FAM181A: variants seen among roughly 807,000 people sequenced by gnomAD.
FAM181A encodes the protein family with sequence similarity 181 member A, also known as protein FAM181A.
FAM181A carries 7 observed loss-of-function variants against 16.3 expected under a neutral mutation model. That is an observed-to-expected ratio of 0.43 (90% CI 0.24 to 0.81). The LOEUF (loss-of-function observed/expected upper bound fraction) is 0.81, where lower values mean the gene tolerates loss of function less well. Ranked by LOEUF, FAM181A falls within the 30% of genes least tolerant of loss-of-function variation. The pLI, the probability that FAM181A is intolerant of heterozygous loss-of-function variation, is 0.24. For synonymous variants in FAM181A, 183 were observed against 164.9 expected, an observed-to-expected ratio of 1.11 and a Z score of -0.84; for missense variants, 349 against 377.5, an observed-to-expected ratio of 0.92 and a Z score of 0.63.
At position 93,927,400 on chromosome 14, in the gene FAM181A, G is replaced by A; in HGVS notation, c.-142G>A. On this transcript the variant is annotated 5_prime_UTR_variant, in exon 1 of 2. Transcript: ENST00000556222. ...CCGGCTGCGCCGGGGCCTGTCCCAG[G>A]TCTGCAGTGGGGAACCTGCCGGGCC... The A allele has an allele frequency of 8.6e-7, 1 of 1,162,050 alleles. No homozygotes were observed. The highest frequency in any genetic ancestry group is 1.1e-6 in the Non-Finnish European group (1 of 926,514). 72.0% of individuals were successfully genotyped at this position (1,162,050 alleles called of 1,614,324 possible). A position where few individuals can be genotyped will look rare whatever the true frequency, so the allele number is the denominator to read the frequency against.
chr14:93,921,362 G>T (rs936101079), intron 1 of FAM181A, among the ~76,000 whole-genome samples: 1 of 152,294 alleles, frequency 6.6e-6, no homozygotes, highest in African/African-American at 2.4e-5. Context: ...GGCTGAGCCG[G>T]CCTGTGACTA....
rs115104454 is a variant in FAM181A, at chr14:93,919,189, G to A, written c.-225+195G>A. Among the ~76,000 whole-genome samples, 680 of 152,294 alleles carry A rather than the reference G, an allele frequency of 4.5e-3. 8 individuals carry two copies. The highest frequency in any genetic ancestry group is 0.016 in the African/African-American group (660 of 41,564). ...GAGGCAAAGGCAAGGGAAGGGCACC[G>A]ACTATGAACCAGGAGATTGATGTGT... is the stretch of plus-strand genomic sequence containing the variant. On this transcript the variant is annotated intron_variant, in intron 1 of 2. Coordinates refer to the FAM181A transcript ENST00000267594.
At chr14:93,926,919 T>G (rs1887926119), upstream of FAM181A, 1 of 152,588 alleles carries the variant, frequency 6.6e-6, no homozygotes, top group African/African-American at 2.4e-5. This position sits in a 1 kb window ranked among gnomAD's most constrained non-coding sequence, Gnocchi z 5.2. Flanking sequence ...GCTTACCCCG[T>G]CCGATTGTCT....
At chr14:93,920,724 T>TCATATCC (rs1887693767) in intron 1 of FAM181A, among the ~76,000 whole-genome samples, 2 of 152,150 alleles carry the variant, frequency 1.3e-5, no homozygotes, top group Admixed American at 1.3e-4. Flanking sequence ...CACAGCTACA[T>TCATATCC]CATATCCCAT....
Position 93,928,596 on chromosome 14 carries a change from A to C in FAM181A, c.311A>C (p.Tyr104Ser), listed in dbSNP as rs370096246. The change falls in exon 2 of 2, where the codon TAC (tyrosine) becomes TCC (serine). Residue 104 changes from tyrosine to serine, a missense_variant. Tyr to Ser is a moderately radical substitution (Grantham distance 144, BLOSUM62 -2). Coordinates refer to ENST00000556222, the MANE Select transcript of FAM181A (RefSeq NM_001207073.2). The part of the protein sequence containing the change: ...GCKEKVLRNP[Y>S]REECLAKEQL... ...AAGGAGAAGGTGCTGAGGAACCCCT[A>C]CAGGGAGGAATGTCTTGCTAAGGAG... The C allele has an allele frequency of 5.0e-6, 8 of 1,613,768 alleles. No homozygotes were observed. The African/African-American group carries it at 8.0e-5, about 16-fold the overall frequency.
Position 93,928,578 on chromosome 14 carries a change from A to G in FAM181A, c.293A>G (p.Lys98Arg). Residue 98 changes from lysine (K) to arginine (R), a missense_variant, in exon 2 of 2, where the codon AAG becomes AGG. By Grantham distance (26) the Lys-to-Arg change is conservative. Transcript: ENST00000556222. Reference sequence around the variant, plus strand: ...GGCGGGGGTGGGGGCTGCAAGGAGAAGGTGCTGAGGAACCCCTACAGGGAG... The same window carrying G: ...GGCGGGGGTGGGGGCTGCAAGGAGAGGGTGCTGAGGAACCCCTACAGGGAG... ...SPGGGGGCKEKVLRNPYREEC... is the reference protein window; with the variant it reads ...SPGGGGGCKERVLRNPYREEC... 6.2e-7 allele frequency: 1 copy of G among 1,613,776 alleles called. No homozygotes were observed. Among genetic ancestry groups the G allele is most frequent in the African/African-American group, 1.3e-5 (1 of 75,040 alleles).
upstream of FAM181A, chr14:93,927,147 T>C: frequency 2.4e-6 from 1 of 414,540 alleles, no homozygotes; most frequent in East Asian, 1.6e-4. Context: ...GGGTAGAAAT[T>C]TACCGGGAAA....
chr14:93,926,109 G>A (rs1048542118), upstream of FAM181A, among the ~76,000 whole-genome samples: 11 of 152,154 alleles, frequency 7.2e-5, no homozygotes, highest in African/African-American at 2.7e-4. This position sits in a 1 kb window ranked among gnomAD's most constrained non-coding sequence, Gnocchi z 5.2. Flanking sequence ...AGGAGGAGAA[G>A]GCAGTAGAAG....
In FAM181A at chr14:93,929,212, G is replaced by A. The variant is rs775754169; in HGVS notation, c.*48G>A. 8.0e-6 allele frequency: 12 copies of A among 1,499,346 alleles called. No individual in the cohort carries two copies. The South Asian group carries it at 1.2e-4, about 15-fold the overall frequency. The allele number at this position is 1,499,346 out of a possible 1,614,324, so 92.9% of individuals were successfully genotyped here. A position where few individuals can be genotyped will look rare whatever the true frequency, so the allele number is the denominator to read the frequency against. On this transcript the variant is annotated 3_prime_UTR_variant, in exon 2 of 2. Coordinates refer to ENST00000556222, the MANE Select transcript of FAM181A (RefSeq NM_001207073.2). The stretch of plus-strand genomic sequence containing the variant: ...CCCACCTCTGGCCTGCAGGAGTGTC[G>A]AGGTCCCCGAGGCGCTCTCCTGTGA...
chr14:93,920,062 A>C (rs1887667237), intron 1 of FAM181A, among the ~76,000 whole-genome samples: 1 of 152,198 alleles, frequency 6.6e-6, no homozygotes, highest in South Asian at 2.1e-4. Flanking sequence ...AGATCAATCA[A>C]ATTAACAAGC....
chr14:93,918,943 T>C (rs1887625558), exon 1 of FAM181A: 1 of 152,226 alleles, frequency 6.6e-6, no homozygotes. Context: ...TCATTCCTGG[T>C]TGGTGCCTGG....
chr14:93,924,122 T>G (rs765542045), upstream of FAM181A: 1 of 152,198 alleles, frequency 6.6e-6, no homozygotes, highest in East Asian at 1.9e-4. Context: ...CTTAAAACAT[T>G]TAGTAAGAAG....
chr14:93,929,454 C>T lies in FAM181A; in HGVS notation c.*290C>T. Reference sequence around the variant, plus strand: ...CATAGGTACTGGGATGTTGCCCTTCCTTGCCTTGCAGTCACCCCAGAAGCC... The same window carrying T: ...CATAGGTACTGGGATGTTGCCCTTCTTTGCCTTGCAGTCACCCCAGAAGCC... On this transcript the variant is annotated 3_prime_UTR_variant, in exon 2 of 2. Coordinates refer to ENST00000556222, the MANE Select transcript of FAM181A (RefSeq NM_001207073.2). The T allele has an allele frequency of 2.6e-6, 1 of 390,408 alleles. No individual in the cohort carries two copies. The highest frequency in any genetic ancestry group is 4.1e-5 in the Admixed American group (1 of 24,688). 24.2% of individuals were successfully genotyped at this position (390,408 alleles called of 1,614,324 possible).
chr14:93,925,737 G>A (rs1048304735), upstream of FAM181A, among the ~76,000 whole-genome samples: 3 of 151,716 alleles, frequency 2.0e-5, no homozygotes, highest in Non-Finnish European at 2.9e-5. Context: ...ACACTTCCCC[G>A]ACCCCGCAGC....
At chr14:93,923,181 G>C (rs750120939), upstream of FAM181A, among the ~76,000 whole-genome samples, 52 of 152,288 alleles carry the variant, frequency 3.4e-4, no homozygotes, top group Non-Finnish European at 4.4e-4. Context: ...CACCATGTTG[G>C]CCAGGCTGGT....
Position 93,928,283 on chromosome 14 carries a change from G to C in FAM181A, c.-3G>C, listed in dbSNP as rs147412568. ...GAAAGCCTCGTGCAGTGGCCCCCTG[G>C]TGATGGCATCCGACAGTGATGTGAA... On this transcript the variant is annotated 5_prime_UTR_variant, in exon 2 of 2. Coordinates refer to ENST00000556222, the MANE Select transcript of FAM181A (RefSeq NM_001207073.2). The C allele has an allele frequency of 1.2e-4, 199 of 1,613,842 alleles. 1 individual carries two copies. The highest frequency in any genetic ancestry group is 1.7e-4 in the African/African-American group (13 of 75,058).
chr14:93,927,636 G>A (rs1239301238), intron 1 of FAM181A, 182 bp downstream of exon 1: 4 of 1,284,344 alleles, frequency 3.1e-6, no homozygotes, highest in South Asian at 1.2e-5. Context: ...GGCAGGTCTC[G>A]ATTAAGTGCC....
chr14:93,927,682 G>A (rs563027014), intron 1 of FAM181A: 50 of 1,256,730 alleles, frequency 4.0e-5, no homozygotes, highest in Non-Finnish European at 5.1e-5. Context: ...GTGAGAGCTG[G>A]GGGTGGAGCG....
At chr14:93,922,295 C>A (rs557113152) in intron 1 of FAM181A, 1 of 152,228 alleles carries the variant, frequency 6.6e-6, no homozygotes, top group Non-Finnish European at 1.5e-5. Context: ...CGCTAGGCTG[C>A]TGACTGGTGA....
Sources: allele counts gnomAD v4.1 joint callset (sites outside exome capture counted in the v4.1 genomes callset), GRCh38; gene constraint gnomAD v4.1.1; non-coding constraint Gnocchi (gnomAD v3.1); transcripts MANE v1.5; gene names NCBI Gene and HGNC (gene_info 2026-07-23, HGNC 2026-07-21).